SNTB2: variants seen among roughly 807,000 people sequenced by gnomAD.
SNTB2 encodes the protein beta-2-syntrophin.
SNTB2 carries 34 observed loss-of-function variants against 46.2 expected under a neutral mutation model. The observed-to-expected ratio is 0.74, with a 90% CI of 0.56 to 0.98. The LOEUF (loss-of-function observed/expected upper bound fraction) is 0.98. SNTB2 is among the 50% of genes least tolerant of loss of function. The probability of loss-of-function intolerance (pLI) is 0.00; values close to 1 mark genes in which losing one functional copy is unlikely to be tolerated. For missense variants in SNTB2, 603 were observed against 731.4 expected, an observed-to-expected ratio of 0.82 and a Z score of 2.02; for synonymous variants, 290 against 312.6, an observed-to-expected ratio of 0.93 and a Z score of 0.76.
rs1012511400 is a variant in SNTB2, at chr16:69,302,007, G to A, written c.*1083G>A. The A allele has an allele frequency of 6.6e-6, 1 of 152,162 alleles. No individual in the cohort carries two copies. Among genetic ancestry groups the A allele is most frequent in the Non-Finnish European group, 1.5e-5 (1 of 68,024 alleles). The allele number at this position is 152,162 out of a possible 1,614,324, so 9.4% of individuals were successfully genotyped here. ...GTGAAGCCAGCAATTCCGCACAAAC[G>A]TCATGTTGAATTGTTTTGGGCTGCC... is the stretch of plus-strand genomic sequence containing the variant. On this transcript the variant is annotated 3_prime_UTR_variant, in exon 7 of 7. Coordinates refer to ENST00000336278, the MANE Select transcript of SNTB2 (RefSeq NM_006750.4).
At chr16:69,290,618 T>G (rs549186162) in intron 5 of SNTB2, among the ~76,000 whole-genome samples, 6 of 152,352 alleles carry the variant, frequency 3.9e-5, no homozygotes, top group Admixed American at 3.9e-4. Flanking sequence ...TTTTTCAGTA[T>G]ATACTCTGTG....
intron 2 of SNTB2, among the ~76,000 whole-genome samples, chr16:69,254,019 G>C (rs973933095): frequency 6.6e-6 from 1 of 152,106 alleles, no homozygotes; most frequent in Non-Finnish European, 1.5e-5. Flanking sequence ...AGGTTTTGCA[G>C]CTGAACTTTT....
rs1458249008 is a variant in SNTB2, at chr16:69,307,499, A to G, written c.*6575A>G. ...TATTGCACAAAGTAGATAAATGAGA[A>G]AGTCTTTCTTAAAAAATGCTTCTTT... On this transcript the variant is annotated 3_prime_UTR_variant, in exon 7 of 7. Transcript: ENST00000336278. 6.6e-6 allele frequency: 1 copy of G among 150,850 alleles called. No individual in the cohort carries two copies. The highest frequency in any genetic ancestry group is 1.5e-5 in the Non-Finnish European group (1 of 67,328). 9.3% of individuals were successfully genotyped at this position (150,850 alleles called of 1,614,324 possible).
intron 3 of SNTB2, among the ~76,000 whole-genome samples, chr16:69,267,497 A>T (rs1207182951): frequency 1.3e-5 from 2 of 152,238 alleles, no homozygotes; most frequent in African/African-American, 4.8e-5. Context: ...TTTAGAGCTG[A>T]TATTGTCCTT....
intron 1 of SNTB2, among the ~76,000 whole-genome samples, chr16:69,210,384 C>T (rs760056570): frequency 6.6e-6 from 1 of 151,544 alleles, no homozygotes; most frequent in African/African-American, 2.4e-5. Flanking sequence ...ATTACAGGCA[C>T]GTGCTGCCAT....
chr16:69,218,567 G>T (rs187138558), intron 1 of SNTB2, among the ~76,000 whole-genome samples: 1 of 151,784 alleles, frequency 6.6e-6, no homozygotes, highest in African/African-American at 2.4e-5. Flanking sequence ...GATTACAGGC[G>T]CCTGCCACCA....
chr16:69,266,800 T>A (rs1964890190), intron 3 of SNTB2, among the ~76,000 whole-genome samples: 1 of 152,090 alleles, frequency 6.6e-6, no homozygotes, highest in South Asian at 2.1e-4. Context: ...CACTGCAACT[T>A]CCACCTTCTG....
At chr16:69,218,590 G>A (rs1363390493) in intron 1 of SNTB2, among the ~76,000 whole-genome samples, 4 of 151,672 alleles carry the variant, frequency 2.6e-5, no homozygotes, top group African/African-American at 9.7e-5. Context: ...CCCGGCTAAT[G>A]TTTTGTATTT....
At chr16:69,226,135 G>A (rs756027997) in intron 1 of SNTB2, among the ~76,000 whole-genome samples, 2 of 152,032 alleles carry the variant, frequency 1.3e-5, no homozygotes, top group Non-Finnish European at 2.9e-5. Flanking sequence ...GCTATGGCGT[G>A]ATCTCGGCTC....
chr16:69,235,207 A>AT (rs1567403991), intron 1 of SNTB2, among the ~76,000 whole-genome samples: 1 of 150,682 alleles, frequency 6.6e-6, no homozygotes, highest in Non-Finnish European at 1.5e-5. Flanking sequence ...AAGTGGTAGG[A>AT]TTACAGGCAT....
rs927131126 is a variant in SNTB2 at position 69,290,991 on chromosome 16, A to G, written c.1345+6747A>G. ...ATATTTACTGAATGTTTTAGTATTT[A>G]TCAAGTGCTGTGCTTTGTAATAAAA... On this transcript the variant is annotated intron_variant, in intron 5 of 6. Transcript: ENST00000336278. Among the ~76,000 whole-genome samples the G allele has an allele frequency of 4.6e-5, 7 of 152,350 alleles. No homozygotes were observed. The South Asian group carries it at 8.3e-4, about 18-fold the overall frequency.
chr16:69,219,875 C>T (rs147713227), intron 1 of SNTB2, among the ~76,000 whole-genome samples: 3,492 of 151,932 alleles, frequency 0.023, 71 homozygotes, highest in Non-Finnish European at 0.033. Flanking sequence ...CTCAGCCTCT[C>T]GAGTAACTGG....
intron 4 of SNTB2, among the ~76,000 whole-genome samples, chr16:69,281,218 T>C (rs1965039651): frequency 6.6e-6 from 1 of 151,994 alleles, no homozygotes; most frequent in Admixed American, 6.5e-5. Flanking sequence ...ATCTAGAGTT[T>C]CTCCTATGTT....
chr16:69,264,986 ATGCC>A (rs1396471253), intron 3 of SNTB2, among the ~76,000 whole-genome samples: 1 of 152,252 alleles, frequency 6.6e-6, no homozygotes, highest in Non-Finnish European at 1.5e-5. Flanking sequence ...ACGGTGGCTC[ATGCC>A]TGTAATCCCA....
chr16:69,243,020 T>TAA (rs371176390), intron 1 of SNTB2, among the ~76,000 whole-genome samples: 8 of 96,060 alleles, frequency 8.3e-5, no homozygotes, highest in Admixed American at 1.2e-4. Flanking sequence ...GACTGCATCT[T>TAA]AAAAAAAAAA....
intron 1 of SNTB2, among the ~76,000 whole-genome samples, chr16:69,224,958 A>G (rs896065679): frequency 6.6e-6 from 1 of 152,226 alleles, no homozygotes; most frequent in Non-Finnish European, 1.5e-5. Context: ...GTTGATTGCT[A>G]TTAACTCTGA....
Position 69,187,743 on chromosome 16 carries a change from G to T in SNTB2, c.577G>T (p.Glu193Ter). The change falls in exon 1 of 7, where the codon GAG becomes TAG. Residue 193 changes from glutamate to a stop codon, truncating the protein, a stop_gained. Transcript: ENST00000336278. LOFTEE classifies it high-confidence loss of function. ...LKRAGKEVLL[E>*]VKFIREVTPY... is the part of the protein sequence containing the mutation. ...GCGCGCGGGCAAGGAGGTGCTGCTGGAGGGTGAGCGGGGCCGGGCGGGAGG... is the reference window on the plus strand; with the variant it reads ...GCGCGCGGGCAAGGAGGTGCTGCTGTAGGGTGAGCGGGGCCGGGCGGGAGG... The T allele has an allele frequency of 6.8e-7, 1 of 1,478,962 alleles. No individual in the cohort carries two copies. Among genetic ancestry groups the T allele is most frequent in the Non-Finnish European group, 8.9e-7 (1 of 1,123,082 alleles). 91.6% of individuals were successfully genotyped at this position (1,478,962 alleles called of 1,614,324 possible). A position where few individuals can be genotyped will look rare whatever the true frequency, so the allele number is the denominator to read the frequency against.
intron 2 of SNTB2, among the ~76,000 whole-genome samples, chr16:69,257,667 G>A (rs925301615): frequency 2.6e-5 from 4 of 152,034 alleles, no homozygotes; most frequent in Non-Finnish European, 5.9e-5. Flanking sequence ...GGATGGTTTC[G>A]ATCTGCTGAC....
intron 1 of SNTB2, among the ~76,000 whole-genome samples, chr16:69,225,451 G>A (rs911459062): frequency 2.0e-5 from 3 of 152,206 alleles, no homozygotes; most frequent in Non-Finnish European, 2.9e-5. Flanking sequence ...TTGTCTAGTG[G>A]AAATTTCGTT....
Sources: gnomAD v4.1 joint callset for allele counts (sites outside exome capture counted in the v4.1 genomes callset) on GRCh38, gnomAD v4.1.1 for gene constraint, MANE v1.5 for transcripts, NCBI Gene and HGNC (gene_info 2026-07-23, HGNC 2026-07-21) for gene names.